Variants in MYO10 observed in about 807,000 individuals in gnomAD.
The protein encoded by MYO10 is myosin X, also known as unconventional myosin-X.
In MYO10, 133 loss-of-function variants were observed where a neutral mutation model predicts 257.3. The ratio of observed to expected loss-of-function variants is 0.52; its 90% CI spans 0.45 to 0.60. MYO10 has a LOEUF of 0.60. Among genes scored for constraint, MYO10 ranks in the 20% least tolerant of loss-of-function variants. The pLI is 0.00. For missense variants in MYO10, 2,399 were observed against 2,635.7 expected (o/e 0.91, Z 1.97); for synonymous variants, 1,104 against 1,028.6 (o/e 1.07, Z -1.40).
intron 19 of MYO10, among the ~76,000 whole-genome samples, chr5:16,752,429 T>G (rs1740402996): frequency 6.6e-6 from 1 of 152,050 alleles, no homozygotes; most frequent in African/African-American, 2.4e-5. Context: ...ACTACAGACG[T>G]GTGCCACCAC....
chr5:16,708,710 T>A (rs988362233), intron 21 of MYO10, among the ~76,000 whole-genome samples: 1 of 152,150 alleles, frequency 6.6e-6, no homozygotes, highest in Non-Finnish European at 1.5e-5. Flanking sequence ...TATAGGCACA[T>A]GCCACCACGC....
chr5:16,883,795 T>C (rs1744821017), intron 1 of MYO10, among the ~76,000 whole-genome samples: 1 of 152,202 alleles, frequency 6.6e-6, no homozygotes, highest in African/African-American at 2.4e-5. Flanking sequence ...TGATTTTCTT[T>C]CCTGAACTCT....
intron 2 of MYO10, among the ~76,000 whole-genome samples, chr5:16,861,022 C>A (rs1453908937): frequency 6.6e-6 from 1 of 151,990 alleles, no homozygotes; most frequent in Non-Finnish European, 1.5e-5. Flanking sequence ...TAAACAGCAC[C>A]CAGGAGGCTT....
chr5:16,703,707 C>A (rs922058109), intron 22 of MYO10, among the ~76,000 whole-genome samples: 2 of 151,876 alleles, frequency 1.3e-5, no homozygotes, highest in Non-Finnish European at 2.9e-5. Flanking sequence ...CATGGTGAAA[C>A]CCTGTCTCTA....
At chr5:16,826,113 A>ATG (rs754201836) in intron 2 of MYO10, among the ~76,000 whole-genome samples, 35 of 152,036 alleles carry the variant, frequency 2.3e-4, no homozygotes, top group Non-Finnish European at 4.3e-4. Context: ...GCACCACTGC[A>ATG]CTCCAGCCTG....
At chr5:16,775,627 G>A (rs1433647485) in intron 9 of MYO10, among the ~76,000 whole-genome samples, 2 of 152,148 alleles carry the variant, frequency 1.3e-5, no homozygotes, top group Non-Finnish European at 2.9e-5. Flanking sequence ...TCTCGAGACA[G>A]AGTCTTGCTC....
intron 17 of MYO10, among the ~76,000 whole-genome samples, chr5:16,760,052 CAT>C (rs1055177335): frequency 1.3e-5 from 2 of 151,954 alleles, no homozygotes; most frequent in African/African-American, 4.8e-5. Flanking sequence ...TAGATATAAA[CAT>C]GTGTTTTTGT....
At chr5:16,799,688 T>TCATATATTTTGGC (rs1374534356) in intron 3 of MYO10, among the ~76,000 whole-genome samples, 3 of 152,116 alleles carry the variant, frequency 2.0e-5, no homozygotes, top group Admixed American at 6.6e-5. Flanking sequence ...AGACGGGATT[T>TCATATATTTTGGC]CATATATTTT....
chr5:16,920,762 C>T (rs1287769138), intron 1 of MYO10, among the ~76,000 whole-genome samples: 1 of 152,174 alleles, frequency 6.6e-6, no homozygotes, highest in Admixed American at 6.5e-5. Context: ...ATGGCAGGTA[C>T]ACAGAAAGGG....
intron 26 of MYO10, 37 bp downstream of exon 26, chr5:16,699,412 TC>T: frequency 6.3e-7 from 1 of 1,598,414 alleles, no homozygotes; most frequent in Non-Finnish European, 8.5e-7. Context: ...CGCCTCGCTC[TC>T]CCCCTAACCC....
chr5:16,786,763 T>C (rs1461529792), intron 4 of MYO10, among the ~76,000 whole-genome samples: 3 of 151,908 alleles, frequency 2.0e-5, no homozygotes, highest in Non-Finnish European at 1.5e-5. Context: ...AACCCTCAGA[T>C]TTGCACAGAG....
chr5:16,840,685 TA>T (rs201972914), intron 2 of MYO10, among the ~76,000 whole-genome samples: 3 of 151,516 alleles, frequency 2.0e-5, no homozygotes, highest in Non-Finnish European at 2.9e-5. Flanking sequence ...GAAAACACAA[TA>T]AAAAAATGCA....
chr5:16,733,609 C>T (rs1739672804), intron 19 of MYO10, among the ~76,000 whole-genome samples: 1 of 139,542 alleles, frequency 7.2e-6, no homozygotes, highest in Non-Finnish European at 1.5e-5. Flanking sequence ...TCCTAGGAGT[C>T]CTTTTCTTGC....
intron 19 of MYO10, among the ~76,000 whole-genome samples, chr5:16,715,084 A>G (rs1738790939): frequency 6.6e-6 from 1 of 151,396 alleles, no homozygotes; most frequent in Non-Finnish European, 1.5e-5. Context: ...ACATCCCATC[A>G]ATACACAACA....
At chr5:16,714,687 G>C (rs2126585200) in intron 19 of MYO10, among the ~76,000 whole-genome samples, 1 of 152,290 alleles carries the variant, frequency 6.6e-6, no homozygotes, top group Admixed American at 6.5e-5. Context: ...GCCGGGCGTG[G>C]TGGCGGGCGC....
At chr5:16,798,567 A>G (rs1025777708) in intron 3 of MYO10, among the ~76,000 whole-genome samples, 8 of 152,128 alleles carry the variant, frequency 5.3e-5, no homozygotes, top group African/African-American at 1.7e-4. Flanking sequence ...GCCTCCTTCT[A>G]TCTAACATCT....
chr5:16,794,544 T>C, intron 4 of MYO10, 102 bp downstream of exon 4: 3 of 1,160,458 alleles, frequency 2.6e-6, no homozygotes, highest in Non-Finnish European at 3.5e-6. Flanking sequence ...CAGGCGGTTG[T>C]AAAAGCTTCC....
intron 2 of MYO10, among the ~76,000 whole-genome samples, chr5:16,838,318 A>G (rs1459612476): frequency 4.6e-5 from 7 of 152,252 alleles, no homozygotes; most frequent in Admixed American, 4.6e-4. Context: ...ACAGTGAACA[A>G]ATGAATGAAA....
intron 1 of MYO10, among the ~76,000 whole-genome samples, chr5:16,895,332 G>A (rs2126778715): frequency 6.6e-6 from 1 of 152,300 alleles, no homozygotes; most frequent in East Asian, 1.9e-4. Context: ...TGGAGAATGG[G>A]CCGAGCCCAG....
Sources: gnomAD v4.1 joint callset for allele counts (sites outside exome capture counted in the v4.1 genomes callset) on GRCh38, gnomAD v4.1.1 for gene constraint, MANE v1.5 for transcripts, NCBI Gene and HGNC (gene_info 2026-07-23, HGNC 2026-07-21) for gene names.